FANCI: variants seen among roughly 807,000 people sequenced by gnomAD.
FANCI encodes Fanconi anemia group I protein.
A neutral mutation model predicts 176.1 loss-of-function variants in FANCI; 156 were observed. The ratio of observed to expected loss-of-function variants is 0.89; its 90% CI spans 0.78 to 1.01. FANCI has a LOEUF of 1.01. Among genes scored for constraint, FANCI ranks in the 50% least tolerant of loss-of-function variants. The pLI is 0.00. For missense variants in FANCI, 1,678 were observed against 1,534.1 expected (o/e 1.09, Z -1.57); for synonymous variants, 613 against 541.7 (o/e 1.13, Z -1.83).
At position 89,307,829 on chromosome 15, in the gene FANCI, G is replaced by A. The variant is rs149793413; in HGVS notation, c.3651+157G>A. 2,816 of 1,511,344 alleles carry A rather than the reference G, an allele frequency of 1.9e-3. 43 individuals are homozygous for A. In the African/African-American group the frequency reaches 0.035, roughly 19 times the overall value. The allele number at this position is 1,511,344 out of a possible 1,614,324, so 93.6% of individuals were successfully genotyped here. On this transcript the variant is annotated intron_variant, in intron 34 of 37. Coordinates refer to ENST00000310775, the MANE Select transcript of FANCI (RefSeq NM_001113378.2). ...TCAGAGACCAAGCCAAGGCTTGAGG[G>A]CTTTGCAGCAAGGACATCTTTATGT...
chr15:89,308,446 C>G (rs980643666), intron 34 of FANCI, among the ~76,000 whole-genome samples: 1 of 152,216 alleles, frequency 6.6e-6, no homozygotes, highest in African/African-American at 2.4e-5. Context: ...TGTTACTGAT[C>G]TTTGAGGAAT....
At chr15:89,259,004 T>G in intron 3 of FANCI, 1 of 512,232 alleles carries the variant, frequency 2.0e-6, no homozygotes, top group Non-Finnish European at 3.5e-6. Context: ...TGGGGGCCTA[T>G]AATTACAGAA....
intron 1 of FANCI, among the ~76,000 whole-genome samples, chr15:89,246,416 A>C (rs116108227): frequency 2.0e-5 from 3 of 152,132 alleles, no homozygotes; most frequent in Admixed American, 6.6e-5. Context: ...CTTTTGCTCA[A>C]ATTTTTTAAT....
chr15:89,263,519 A>G lies in FANCI; in HGVS notation c.545+59A>G, dbSNP rs964371249. 24 of 1,377,034 alleles carry G rather than the reference A, an allele frequency of 1.7e-5. No individual in the cohort carries two copies. The Middle Eastern group carries it at 5.3e-4, about 30-fold the overall frequency. 85.3% of individuals were successfully genotyped at this position (1,377,034 alleles called of 1,614,324 possible). A position where few individuals can be genotyped will look rare whatever the true frequency, so the allele number is the denominator to read the frequency against. On this transcript the variant is annotated intron_variant, in intron 7 of 37. Coordinates refer to ENST00000310775, the MANE Select transcript of FANCI (RefSeq NM_001113378.2). ...CCTGCTTTGTGAACTTACTTGCTAG[A>G]AATTAAACTATAGCAAACGTAAACA...
Position 89,299,788 on chromosome 15 carries a change from C to A in FANCI, c.2637-12C>A, listed in dbSNP as rs377172077. The A allele has an allele frequency of 1.2e-6, 2 of 1,612,456 alleles. No homozygotes were observed. Among genetic ancestry groups the A allele is most frequent in the Non-Finnish European group, 1.7e-6 (2 of 1,179,400 alleles). The stretch of plus-strand genomic sequence containing the variant: ...CTGTCTTTAAAAACAATACCACTTT[C>A]TCCTGCTTCAGAGTCTTGCTATGGA... On this transcript the variant is annotated splice_polypyrimidine_tract_variant and intron_variant, in intron 24 of 37. Transcript: ENST00000310775.
intron 12 of FANCI, among the ~76,000 whole-genome samples, chr15:89,276,161 C>T (rs973799096): frequency 1.3e-5 from 2 of 152,178 alleles, no homozygotes; most frequent in East Asian, 3.9e-4. Flanking sequence ...TATAAAACCA[C>T]CAATGATTCT....
In FANCI at chr15:89,259,118, A is replaced by T. The variant is rs3743378; in HGVS notation, c.157+342A>T. 2.9e-3 allele frequency: 935 copies of T among 319,752 alleles called. 12 individuals are homozygous for T. Among genetic ancestry groups the T allele is most frequent in the East Asian group, 0.015 (198 of 13,088 alleles). 19.8% of individuals were successfully genotyped at this position (319,752 alleles called of 1,614,324 possible). A position where few individuals can be genotyped will look rare whatever the true frequency, so the allele number is the denominator to read the frequency against. On this transcript the variant is annotated intron_variant, in intron 3 of 37. Coordinates refer to ENST00000310775, the MANE Select transcript of FANCI (RefSeq NM_001113378.2). ...AATCCATGCTTAGCAAGGGGCAAGT[A>T]ACCTCTGGGGTTTAATGAAATGGGG...
chr15:89,247,782 C>A, intron 2 of FANCI, 51 bp downstream of exon 2: 1 of 1,512,842 alleles, frequency 6.6e-7, no homozygotes, highest in South Asian at 1.1e-5. Flanking sequence ...GGCATGATGA[C>A]ACATTCAAAG....
chr15:89,290,758 ACT>A (rs1426346423), intron 19 of FANCI, among the ~76,000 whole-genome samples: 2 of 151,466 alleles, frequency 1.3e-5, no homozygotes, highest in Non-Finnish European at 2.9e-5. Flanking sequence ...TCATATAGAG[ACT>A]CTCTACCAGG....
Position 89,303,850 on chromosome 15 carries a change from G to T in FANCI, c.3007-14G>T, listed in dbSNP as rs2054613972. On this transcript the variant is annotated splice_polypyrimidine_tract_variant and intron_variant, in intron 27 of 37. Transcript: ENST00000310775. Reference sequence around the variant, plus strand: ...TGGCATGTTTCTTTAATATCTGAATGATCTCTAATTTAGTTTGTGCAGATG... The same window carrying T: ...TGGCATGTTTCTTTAATATCTGAATTATCTCTAATTTAGTTTGTGCAGATG... 1 of 1,611,782 alleles carries T rather than the reference G, an allele frequency of 6.2e-7. No homozygotes were observed. Among genetic ancestry groups the T allele is most frequent in the Non-Finnish European group, 8.5e-7 (1 of 1,178,042 alleles).
intron 18 of FANCI, among the ~76,000 whole-genome samples, chr15:89,285,666 T>C (rs1370516190): frequency 1.3e-5 from 2 of 152,206 alleles, no homozygotes; most frequent in Non-Finnish European, 2.9e-5. Context: ...TGATAGACCT[T>C]AAATATTTTA....
chr15:89,293,911 T>C lies in FANCI; in HGVS notation c.2370T>C (p.Gly790=). 1 of 1,614,114 alleles carries C rather than the reference T, an allele frequency of 6.2e-7. No individual in the cohort carries two copies. Among genetic ancestry groups the C allele is most frequent in the African/African-American group, 1.3e-5 (1 of 75,048 alleles). Residue 790 remains glycine (G), a synonymous_variant, in exon 23 of 38, where the codon GGT becomes GGC. Coordinates refer to ENST00000310775, the MANE Select transcript of FANCI (RefSeq NM_001113378.2). ...KLSDILNEKA[G]KAKTKMANKT... is the part of the protein sequence containing the mutation. ...CTGACATTCTTAATGAAAAAGCGGGTAAAGCCAAAACTAAAATGGCCAACA... is the reference window on the plus strand; with the variant it reads ...CTGACATTCTTAATGAAAAAGCGGGCAAAGCCAAAACTAAAATGGCCAACA...
chr15:89,317,194 T>A (rs963971744), downstream of FANCI: 3 of 637,248 alleles, frequency 4.7e-6, no homozygotes, highest in African/African-American at 3.7e-5. Context: ...CTGCCTTCAT[T>A]TCTGAAACAT....
At chr15:89,249,448 T>C (rs1355619124) in intron 2 of FANCI, among the ~76,000 whole-genome samples, 1 of 152,180 alleles carries the variant, frequency 6.6e-6, no homozygotes, top group Non-Finnish European at 1.5e-5. Context: ...CCTGGGCTCA[T>C]GCGATCCTCC....
intron 8 of FANCI, 81 bp downstream of exon 8, chr15:89,264,107 A>T: frequency 6.6e-7 from 1 of 1,511,024 alleles, no homozygotes; most frequent in Non-Finnish European, 9.2e-7. Flanking sequence ...CCCTTGGTTT[A>T]TATAGCAGAG....
Position 89,274,256 on chromosome 15 carries a change from C to T in FANCI, c.1064C>T (p.Pro355Leu). ...QGSKFLQNLV[P>L]HRSYVSTMIL... Reference sequence around the variant, plus strand: ...TCAAAATTTCTTCAGAATCTAGTTCCTCATAGATCTTATGTTTCAACCATG... The same window carrying T: ...TCAAAATTTCTTCAGAATCTAGTTCTTCATAGATCTTATGTTTCAACCATG... The change falls in exon 12 of 38, where the codon CCT (proline) becomes CTT (leucine). Residue 355 changes from proline to leucine, a missense_variant. Coordinates refer to ENST00000310775, the MANE Select transcript of FANCI (RefSeq NM_001113378.2). The T allele has an allele frequency of 6.2e-7, 1 of 1,612,834 alleles. No individual in the cohort carries two copies. Among genetic ancestry groups the T allele is most frequent in the East Asian group, 2.2e-5 (1 of 44,840 alleles).
At chr15:89,311,569 A>G (rs2151975866) in intron 34 of FANCI, among the ~76,000 whole-genome samples, 1 of 152,268 alleles carries the variant, frequency 6.6e-6, no homozygotes, top group South Asian at 2.1e-4. Context: ...CCACTTGGTC[A>G]GTGAGGTCGA....
intron 11 of FANCI, 99 bp downstream of exon 11, chr15:89,273,568 T>G: frequency 1.3e-6 from 1 of 760,024 alleles, no homozygotes; most frequent in South Asian, 1.5e-5. Flanking sequence ...TATCCGTTCC[T>G]AAACAATTTT....
At chr15:89,306,777 C>T (rs950710095) in intron 32 of FANCI, among the ~76,000 whole-genome samples, 13 of 152,064 alleles carry the variant, frequency 8.5e-5, no homozygotes, top group African/African-American at 1.7e-4. Context: ...AGAATGAATG[C>T]CTCTTTTAAA....
Sources: gnomAD v4.1 joint callset for allele counts (sites outside exome capture counted in the v4.1 genomes callset) on GRCh38, gnomAD v4.1.1 for gene constraint, MANE v1.5 for transcripts, NCBI Gene and HGNC (gene_info 2026-07-23, HGNC 2026-07-21) for gene names.